The following OBSL1 variants were observed in gnomAD, a reference collection of about 807,000 sequenced individuals.
OBSL1 encodes obscurin-like protein 1.
In OBSL1, 160 loss-of-function variants were observed where a neutral mutation model predicts 172.0. The ratio of observed to expected loss-of-function variants is 0.93; its 90% CI spans 0.82 to 1.06. The LOEUF is 1.06. Ranked by LOEUF, OBSL1 falls within the 50% of genes least tolerant of loss-of-function variation. The pLI is 0.00. For missense variants in OBSL1, 2,681 were observed against 2,715.4 expected, an observed-to-expected ratio of 0.99 and a Z score of 0.28; for synonymous variants, 1,200 against 1,196.3, an observed-to-expected ratio of 1.00 and a Z score of -0.06.
At chr2:219,552,315 C>A in intron 18 of OBSL1, 99 bp from the exon 19 acceptor site, 1 of 1,164,084 alleles carries the variant, frequency 8.6e-7, no homozygotes. Flanking sequence ...GTTCGGACGC[C>A]GTTAGTGTAT....
Position 219,556,184 on chromosome 2 carries a change from C to T in OBSL1, c.4445G>A (p.Arg1482His), listed in dbSNP as rs779614614. 3.3e-5 allele frequency: 53 copies of T among 1,612,580 alleles called. 1 individual carries two copies. The Middle Eastern group carries it at 2.0e-3, about 60-fold the overall frequency. The change falls in exon 14 of 21, where the codon CGC becomes CAC. Residue 1482 changes from arginine (R) to histidine (H), a missense_variant. Arg to His is a conservative substitution (Grantham distance 29). Around this residue, in one of 5 missense-constraint regions of OBSL1, gnomAD observed 1,765 missense variants for 1,748.3 expected, o/e 1.01. Coordinates refer to ENST00000404537, the MANE Select transcript of OBSL1 (RefSeq NM_015311.3). ...CAGGGGCTGCCCACCTCGCACCCAG[C>T]GCACGGCCCCCGCTGCACCCACTCG... ...TGRVGAAGAV[R>H]WVRGGQPLPH...
Position 219,552,160 on chromosome 2 carries a change from G to A in OBSL1, c.5365C>T (p.Arg1789Cys), listed in dbSNP as rs761535548. 10 of 1,611,594 alleles carry A rather than the reference G, an allele frequency of 6.2e-6. No individual in the cohort carries two copies. Among genetic ancestry groups the A allele is most frequent in the African/African-American group, 1.3e-5 (1 of 74,944 alleles). The stretch of plus-strand genomic sequence containing the variant: ...GACTGGGCGGGCCCCGCCTGGAAGC[G>A]GACTTCACCGGCGTCCTCGGCGCGC... The part of the protein sequence containing the change: ...ELRAEDAGEV[R>C]FQAGPAQSLA... The change falls in exon 19 of 21, where the codon CGC (arginine) becomes TGC (cysteine). Residue 1789 changes from arginine (R) to cysteine (C), a missense_variant. Coordinates refer to ENST00000404537, the MANE Select transcript of OBSL1 (RefSeq NM_015311.3).
Position 219,571,235 on chromosome 2 carries a change from C to A in OBSL1, c.-3G>T. On this transcript the variant is annotated 5_prime_UTR_variant, in exon 1 of 21. Coordinates refer to ENST00000404537, the MANE Select transcript of OBSL1 (RefSeq NM_015311.3). The stretch of plus-strand genomic sequence containing the variant: ...TGATCCCCCGAGCTCGCCTTCATCG[C>A]GGCGGCCGACCGCCTGCAGCGGCGA... 3.3e-6 allele frequency: 4 copies of A among 1,222,948 alleles called. No homozygotes were observed. The highest frequency in any genetic ancestry group is 4.1e-6 in the Non-Finnish European group (4 of 968,006). 75.8% of individuals were successfully genotyped at this position (1,222,948 alleles called of 1,614,324 possible).
downstream of OBSL1, chr2:219,550,117 G>A: frequency 1.3e-5 from 6 of 454,430 alleles, no homozygotes; most frequent in Non-Finnish European, 2.4e-5. Flanking sequence ...TTGCCCGTGT[G>A]TCTGTGTGTA....
At chr2:219,551,208 T>C in intron 20 of OBSL1, 1 of 1,380,024 alleles carries the variant, frequency 7.2e-7, no homozygotes, top group East Asian at 2.7e-5. Flanking sequence ...GTTGGTGAAG[T>C]GGGGAGGAAA....
intron 1 of OBSL1, chr2:219,569,084 A>AAAT (rs1553538037): frequency 1.3e-5 from 2 of 151,614 alleles, no homozygotes; most frequent in African/African-American, 4.8e-5. Context: ...TCAAAAAAAA[A>AAAT]AAAAGAAAAG....
downstream of OBSL1, chr2:219,549,814 G>A: frequency 6.2e-7 from 1 of 1,614,140 alleles, no homozygotes; most frequent in Non-Finnish European, 8.5e-7. Context: ...GGGTCCCGGG[G>A]ACCTCTGACA....
At chr2:219,561,236 G>T (rs1696441909) in intron 8 of OBSL1, among the ~76,000 whole-genome samples, 1 of 152,098 alleles carries the variant, frequency 6.6e-6, no homozygotes, top group Admixed American at 6.5e-5. Flanking sequence ...GGCCGCAGTA[G>T]GATGGGGGCT....
chr2:219,556,940 C>G (rs908585148), intron 12 of OBSL1: 2 of 545,290 alleles, frequency 3.7e-6, no homozygotes, highest in African/African-American at 1.9e-5. Flanking sequence ...AGCACCCCAC[C>G]TTGGTGGCAC....
In OBSL1 at chr2:219,557,881, G is replaced by A. The variant is rs1465378351; in HGVS notation, c.3732C>T (p.Thr1244=). The A allele has an allele frequency of 6.2e-7, 1 of 1,601,624 alleles. No individual in the cohort carries two copies. The highest frequency in any genetic ancestry group is 1.7e-5 in the Admixed American group (1 of 59,882). The change falls in exon 11 of 21, where the codon ACC becomes ACT. Residue 1244 remains threonine (T), a synonymous_variant. Transcript: ENST00000404537. ...CTCCGGGGGCTGCTCCAGACTGGCAGGTGTAGAGCCCTGCATGGGCTGGGC... is the reference window on the plus strand; with the variant it reads ...CTCCGGGGGCTGCTCCAGACTGGCAAGTGTAGAGCCCTGCATGGGCTGGGC... ...AAGPAHAGLY[T]CQSGAAPGAP...
chr2:219,567,264 C>A lies in OBSL1; in HGVS notation c.1837+9G>T. 2 of 1,583,048 alleles carry A rather than the reference C, an allele frequency of 1.3e-6. No homozygotes were observed. Among genetic ancestry groups the A allele is most frequent in the Non-Finnish European group, 1.7e-6 (2 of 1,160,600 alleles). On this transcript the variant is annotated intron_variant, in intron 4 of 20. Transcript: ENST00000404537. ...GAAGTGATGGGTGGGTCTGGCAGGACCAACTCACCAAGGTGAGCAGAACCG... is the reference window on the plus strand; with the variant it reads ...GAAGTGATGGGTGGGTCTGGCAGGAACAACTCACCAAGGTGAGCAGAACCG...
rs116627981 is a variant in OBSL1, at chr2:219,560,930, T to A, written c.2954-1433A>T. On this transcript the variant is annotated intron_variant, in intron 8 of 20. Transcript: ENST00000404537. ...CAGCTTGGTGTCAGACTTGATTCGC[T>A]CTGGCCTAGAGCAGAGGTGGTGTTT... 3.1e-3 allele frequency among the ~76,000 whole-genome samples: 465 copies of A among 152,246 alleles called. 2 individuals carry two copies. Among genetic ancestry groups the A allele is most frequent in the African/African-American group, 0.011 (446 of 41,526 alleles).
chr2:219,557,729 A>G, intron 11 of OBSL1, 94 bp downstream of exon 11: 1 of 1,538,190 alleles, frequency 6.5e-7, no homozygotes. Context: ...AGGGATGGGC[A>G]AGGCATGCTG....
rs773441103 is a variant in OBSL1 at position 219,551,841 on chromosome 2, T to C, written c.5414-43A>G. The C allele has an allele frequency of 4.6e-6, 6 of 1,318,496 alleles. No homozygotes were observed. In the African/African-American group the frequency reaches 8.6e-5, roughly 19 times the overall value. The allele number at this position is 1,318,496 out of a possible 1,614,324, so 81.7% of individuals were successfully genotyped here. A position where few individuals can be genotyped will look rare whatever the true frequency, so the allele number is the denominator to read the frequency against. ...GGGCTTAAGTTAATAGGGACACGCA[T>C]GGCCCCCAGGAGGAGAGATGCATCT... On this transcript the variant is annotated intron_variant, in intron 19 of 20. Coordinates refer to ENST00000404537, the MANE Select transcript of OBSL1 (RefSeq NM_015311.3).
downstream of OBSL1, chr2:219,549,996 G>A: frequency 8.6e-7 from 1 of 1,169,212 alleles, no homozygotes; most frequent in Non-Finnish European, 1.2e-6. Context: ...AGGGAGGATT[G>A]TCTCAGGCGA....
chr2:219,547,425 C>A, downstream of OBSL1: 1 of 1,155,526 alleles, frequency 8.7e-7, no homozygotes, highest in South Asian at 3.1e-5. Context: ...CCTGGGATCC[C>A]ATGTCCTTGA....
At chr2:219,565,011 G>A (rs1696777041) in intron 6 of OBSL1, among the ~76,000 whole-genome samples, 1 of 152,162 alleles carries the variant, frequency 6.6e-6, no homozygotes, top group Admixed American at 6.5e-5. Context: ...AGGTTGCAAT[G>A]AGCTGAGATC....
Position 219,558,127 on chromosome 2 carries a change from G to GGTGT in OBSL1, c.3503-21_3503-18dup, listed in dbSNP as rs1021634921. ...CTGGAGGCTCTGGAGAAGAGAGGAA[G>GGTGT]GTGTCATCCCATGCTTGCCCTTGCC... is the stretch of plus-strand genomic sequence containing the variant. On this transcript the variant is annotated splice_polypyrimidine_tract_variant and intron_variant, in intron 10 of 20. Coordinates refer to ENST00000404537, the MANE Select transcript of OBSL1 (RefSeq NM_015311.3). 6.2e-7 allele frequency: 1 copy of GGTGT among 1,612,158 alleles called. No individual in the cohort carries two copies. Among genetic ancestry groups the GGTGT allele is most frequent in the African/African-American group, 1.3e-5 (1 of 74,986 alleles).
Position 219,570,493 on chromosome 2 carries a change from G to A in OBSL1, c.740C>T (p.Pro247Leu). Residue 247 changes from proline (P) to leucine (L), a missense_variant, in exon 1 of 21, where the codon CCG becomes CTG. Pro to Leu is a moderately conservative substitution (Grantham distance 98). Around this residue, in one of 5 missense-constraint regions of OBSL1, gnomAD observed 706 missense variants for 695.8 expected, o/e 1.01. Transcript: ENST00000404537. ...PDEAPAPVVE[P>L]LKCAPKTFWV... Reference sequence around the variant, plus strand: ...GAAGGTCTTAGGCGCGCACTTGAGCGGCTCCACCACCGGCGCGGGGGCCTC... The same window carrying A: ...GAAGGTCTTAGGCGCGCACTTGAGCAGCTCCACCACCGGCGCGGGGGCCTC... 6.2e-7 allele frequency: 1 copy of A among 1,612,252 alleles called. No homozygotes were observed. Among genetic ancestry groups the A allele is most frequent in the Non-Finnish European group, 8.5e-7 (1 of 1,179,424 alleles).
Sources: allele counts gnomAD v4.1 joint callset (sites outside exome capture counted in the v4.1 genomes callset), GRCh38; gene constraint gnomAD v4.1.1; regional missense constraint gnomAD v4.1.1; transcripts MANE v1.5; gene names NCBI Gene and HGNC (gene_info 2026-07-23, HGNC 2026-07-21).